Variants in CNTNAP2 observed in about 807,000 individuals in gnomAD.
CNTNAP2 encodes contactin-associated protein-like 2.
A neutral mutation model predicts 155.2 loss-of-function variants in CNTNAP2; 98 were observed. That is an observed-to-expected ratio of 0.63 (90% CI 0.54 to 0.75). CNTNAP2 has a LOEUF of 0.75. Ranked by LOEUF, CNTNAP2 falls within the 30% of genes least tolerant of loss-of-function variation. The pLI is 0.00. For missense variants in CNTNAP2, 1,727 were observed against 1,688.1 expected, an observed-to-expected ratio of 1.02 and a Z score of -0.40; for synonymous variants, 651 against 631.2, an observed-to-expected ratio of 1.03 and a Z score of -0.47.
At chr7:148,005,574 A>C (rs1801962311) in intron 15 of CNTNAP2, among the ~76,000 whole-genome samples, 1 of 152,126 alleles carries the variant, frequency 6.6e-6, no homozygotes, top group South Asian at 2.1e-4. Context: ...GAGGTGGAGA[A>C]GGGCACTTGA....
At chr7:146,237,281 A>G (rs146543597) in intron 1 of CNTNAP2, among the ~76,000 whole-genome samples, 1 of 152,330 alleles carries the variant, frequency 6.6e-6, no homozygotes, top group East Asian at 1.9e-4. Flanking sequence ...ACCACTTTAA[A>G]TGAATAAATA....
At chr7:148,365,046 G>A (rs1023667767) in intron 21 of CNTNAP2, among the ~76,000 whole-genome samples, 6 of 152,164 alleles carry the variant, frequency 3.9e-5, no homozygotes, top group African/African-American at 9.7e-5. Flanking sequence ...AGCTGTAACA[G>A]TCACCGCGAG....
At chr7:147,010,903 A>G (rs1236412513) in intron 3 of CNTNAP2, among the ~76,000 whole-genome samples, 1 of 152,118 alleles carries the variant, frequency 6.6e-6, no homozygotes, top group Non-Finnish European at 1.5e-5. Flanking sequence ...ATAATTCTTA[A>G]TTGTAAAGGG....
intron 11 of CNTNAP2, among the ~76,000 whole-genome samples, chr7:147,490,496 T>C (rs1798587706): frequency 6.6e-6 from 1 of 152,170 alleles, no homozygotes; most frequent in Non-Finnish European, 1.5e-5. Context: ...GATAATCCAT[T>C]TCACCTATAA....
At chr7:147,621,966 A>G (rs1794866335) in intron 12 of CNTNAP2, among the ~76,000 whole-genome samples, 1 of 152,022 alleles carries the variant, frequency 6.6e-6, no homozygotes, top group Non-Finnish European at 1.5e-5. Flanking sequence ...TAGAAACCAA[A>G]AAAAGAAAAA....
At chr7:147,109,125 A>T (rs898393839) in intron 5 of CNTNAP2, among the ~76,000 whole-genome samples, 4 of 152,190 alleles carry the variant, frequency 2.6e-5, no homozygotes, top group African/African-American at 9.7e-5. Context: ...TATCAAGCGC[A>T]TTGAGACTTC....
chr7:147,512,212 T>C (rs1361814858), intron 11 of CNTNAP2, among the ~76,000 whole-genome samples: 1 of 152,152 alleles, frequency 6.6e-6, no homozygotes, highest in Non-Finnish European at 1.5e-5. Flanking sequence ...CATGCACTCA[T>C]GTATTACTAA....
At chr7:146,335,833 G>A (rs1042404393) in intron 1 of CNTNAP2, among the ~76,000 whole-genome samples, 7 of 152,090 alleles carry the variant, frequency 4.6e-5, no homozygotes, top group Middle Eastern at 3.2e-3. Flanking sequence ...ATGTTATTTA[G>A]GGGTCGGGGA....
At chr7:147,941,082 T>C (rs1439457954) in intron 14 of CNTNAP2, among the ~76,000 whole-genome samples, 1 of 152,190 alleles carries the variant, frequency 6.6e-6, no homozygotes. Flanking sequence ...TCTGATGTGC[T>C]CTGATGTGGC....
At chr7:146,862,066 TGGGGAAAATGA>T (rs1795112708) in intron 3 of CNTNAP2, among the ~76,000 whole-genome samples, 1 of 152,106 alleles carries the variant, frequency 6.6e-6, no homozygotes, top group Admixed American at 6.6e-5. Flanking sequence ...GTTAGTGGAT[TGGGGAAAATGA>T]AGGGAAAATG....
At chr7:147,317,860 G>A (rs897124101) in intron 9 of CNTNAP2, among the ~76,000 whole-genome samples, 8 of 146,054 alleles carry the variant, frequency 5.5e-5, no homozygotes, top group Non-Finnish European at 1.1e-4. Context: ...TTTTTCCTTG[G>A]CTTCTCTTTT....
rs555022027 is a variant in CNTNAP2, at chr7:146,348,042, G to A, written c.97+231069G>A. On this transcript the variant is annotated intron_variant, in intron 1 of 23. Coordinates refer to ENST00000361727, the MANE Select transcript of CNTNAP2 (RefSeq NM_014141.6). ...GCCTTTACAGCTAGTTCAGAGAACT[G>A]GGAATGAGATGAGTTGTGGTTGCTA... Among the ~76,000 whole-genome samples, 290 of 152,238 alleles carry A rather than the reference G, an allele frequency of 1.9e-3. 2 individuals are homozygous for A. The highest frequency in any genetic ancestry group is 6.4e-3 in the African/African-American group (267 of 41,538).
chr7:146,383,103 T>A (rs1304177704), intron 1 of CNTNAP2, among the ~76,000 whole-genome samples: 1 of 152,148 alleles, frequency 6.6e-6, no homozygotes, highest in African/African-American at 2.4e-5. Flanking sequence ...ATGGAAACAA[T>A]GTGAATCTGT....
intron 1 of CNTNAP2, among the ~76,000 whole-genome samples, chr7:146,183,527 G>T (rs1322875406): frequency 5.3e-5 from 8 of 151,756 alleles, no homozygotes; most frequent in Non-Finnish European, 1.0e-4. Context: ...TGACTAAAGG[G>T]CTCAGAAACA....
chr7:148,153,020 CAAAAAAAAAAAAAAA>C (rs373499312), intron 17 of CNTNAP2, among the ~76,000 whole-genome samples: 2 of 22,664 alleles, frequency 8.8e-5, no homozygotes, highest in African/African-American at 1.7e-4. Context: ...GACTCCGTCT[CAAAAAAAAAAAAAAA>C]AAAAAAAAAA....
chr7:147,557,987 A>G (rs1410006700), intron 11 of CNTNAP2, among the ~76,000 whole-genome samples: 1 of 152,212 alleles, frequency 6.6e-6, no homozygotes, highest in Non-Finnish European at 1.5e-5. Context: ...TGATAAAACT[A>G]ATGTGACTTT....
At chr7:146,267,782 A>C (rs534890529) in intron 1 of CNTNAP2, among the ~76,000 whole-genome samples, 23 of 152,358 alleles carry the variant, frequency 1.5e-4, no homozygotes, top group Admixed American at 1.0e-3. Flanking sequence ...ATTTTGTTAT[A>C]GTAGCACTAA....
chr7:147,234,698 T>C (rs537822944), intron 8 of CNTNAP2, among the ~76,000 whole-genome samples: 18 of 152,300 alleles, frequency 1.2e-4, no homozygotes, highest in African/African-American at 4.3e-4. Flanking sequence ...GCGAGTTTCA[T>C]TGATCCTTAA....
chr7:147,702,133 T>C (rs971583007), intron 13 of CNTNAP2, among the ~76,000 whole-genome samples: 1 of 148,562 alleles, frequency 6.7e-6, no homozygotes, highest in South Asian at 2.1e-4. Flanking sequence ...TCTGATGTAA[T>C]GAAGCTGGGG....
Sources: allele counts gnomAD v4.1 joint callset (sites outside exome capture counted in the v4.1 genomes callset), GRCh38; gene constraint gnomAD v4.1.1; transcripts MANE v1.5; gene names NCBI Gene and HGNC (gene_info 2026-07-23, HGNC 2026-07-21).